YEATS2: variants seen among roughly 807,000 people sequenced by gnomAD.
YEATS2 encodes the protein YEATS domain-containing protein 2.
In YEATS2, 77 loss-of-function variants were observed where a neutral mutation model predicts 163.2. The ratio of observed to expected loss-of-function variants is 0.47; its 90% CI spans 0.39 to 0.57. The LOEUF is 0.57. Among genes scored for constraint, YEATS2 ranks in the 20% least tolerant of loss-of-function variants. The pLI is 0.00. For missense variants in YEATS2, 1,549 were observed against 1,729.8 expected, an observed-to-expected ratio of 0.90 and a Z score of 1.85; for synonymous variants, 631 against 645.1, an observed-to-expected ratio of 0.98 and a Z score of 0.33.
At chr3:183,747,137 C>T (rs963360072) in intron 8 of YEATS2, among the ~76,000 whole-genome samples, 1 of 152,230 alleles carries the variant, frequency 6.6e-6, no homozygotes, top group African/African-American at 2.4e-5. Flanking sequence ...ATTAGCATAG[C>T]CTCTACTGCC....
chr3:183,806,220 T>C (rs1726181644), intron 27 of YEATS2: 2 of 445,086 alleles, frequency 4.5e-6, no homozygotes, highest in Admixed American at 2.5e-5. Flanking sequence ...TTTCAGGATA[T>C]AGCCCCAGCC....
intron 4 of YEATS2, among the ~76,000 whole-genome samples, chr3:183,721,039 G>C (rs1429876631): frequency 2.0e-5 from 3 of 152,138 alleles, no homozygotes; most frequent in Non-Finnish European, 2.9e-5. Flanking sequence ...TCTTTGAATT[G>C]TTAGCAGTTC....
intron 3 of YEATS2, 87 bp from the exon 4 acceptor site, chr3:183,718,413 C>A: frequency 6.8e-6 from 6 of 883,010 alleles, no homozygotes; most frequent in Admixed American, 3.4e-5. Context: ...TTTTTTCACT[C>A]ATTCACGTTT....
chr3:183,730,779 T>A (rs886840831), intron 7 of YEATS2, among the ~76,000 whole-genome samples: 13 of 152,214 alleles, frequency 8.5e-5, no homozygotes, highest in African/African-American at 2.9e-4. Flanking sequence ...AACATCCATA[T>A]AGACAGTTCA....
At chr3:183,744,396 C>T (rs993730729) in intron 8 of YEATS2, among the ~76,000 whole-genome samples, 4 of 152,138 alleles carry the variant, frequency 2.6e-5, no homozygotes, top group African/African-American at 2.4e-5. Flanking sequence ...GGATTACAGG[C>T]GTGAGCCACT....
rs758465122 is a variant in YEATS2, at chr3:183,752,187, C to G, written c.1084C>G (p.Pro362Ala). ...ATCTTTGCCTTTGACCATTCCAGCCCCAGTGAAAGCTTCTTCACCAATAAA... is the reference window on the plus strand; with the variant it reads ...ATCTTTGCCTTTGACCATTCCAGCCGCAGTGAAAGCTTCTTCACCAATAAA... ...PPSLPLTIPA[P>A]VKASSPIKQS... is the part of the protein sequence containing the mutation. The change falls in exon 10 of 31, where the codon CCA (proline) becomes GCA (alanine). Residue 362 changes from proline (P) to alanine (A), a missense_variant. Transcript: ENST00000305135. The G allele has an allele frequency of 6.2e-7, 1 of 1,614,086 alleles. No homozygotes were observed. The highest frequency in any genetic ancestry group is 2.2e-5 in the East Asian group (1 of 44,876).
At chr3:183,746,737 A>G (rs547270564) in intron 8 of YEATS2, among the ~76,000 whole-genome samples, 1 of 149,516 alleles carries the variant, frequency 6.7e-6, no homozygotes, top group Admixed American at 6.7e-5. Flanking sequence ...TGGAACCACT[A>G]TTAATCCACC....
Position 183,758,896 on chromosome 3 carries a change from G to C in YEATS2, c.1587G>C (p.Gln529His), listed in dbSNP as rs1721046312. The C allele has an allele frequency of 6.3e-7, 1 of 1,597,620 alleles. No individual in the cohort carries two copies. The highest frequency in any genetic ancestry group is 8.5e-7 in the Non-Finnish European group (1 of 1,175,196). The change falls in exon 13 of 31, where the codon CAG (glutamine) becomes CAC (histidine). Residue 529 changes from glutamine (Q) to histidine (H), a missense_variant. By Grantham distance (24) the Gln-to-His change is conservative. Coordinates refer to ENST00000305135, the MANE Select transcript of YEATS2 (RefSeq NM_018023.5). ...CAAACAAGATCTCCACGGCTTCTCA[G>C]GTCTCCCAAGGAACAGGTTCCCCTG... ...SPTNKISTAS[Q>H]VSQGTGSPVP...
chr3:183,802,503 G>GTATACA (rs1560334972), intron 25 of YEATS2: 17 of 141,004 alleles, frequency 1.2e-4, no homozygotes, highest in African/African-American at 5.0e-4. Flanking sequence ...GTGTGTGTGT[G>GTATACA]TGTGTGTATA....
intron 1 of YEATS2, among the ~76,000 whole-genome samples, chr3:183,700,770 CAAA>C (rs774835127): frequency 5.3e-5 from 2 of 37,752 alleles, no homozygotes; most frequent in African/African-American, 2.5e-4. Context: ...GACTTCGTCT[CAAA>C]AAAAAAAAAA....
intron 1 of YEATS2, among the ~76,000 whole-genome samples, chr3:183,704,235 T>C (rs1714395681): frequency 6.6e-6 from 1 of 151,910 alleles, no homozygotes; most frequent in African/African-American, 2.4e-5. Flanking sequence ...CCCACTTTGG[T>C]TTTAGGATTT....
chr3:183,712,835 G>A (rs558724032), intron 1 of YEATS2, among the ~76,000 whole-genome samples: 16 of 150,982 alleles, frequency 1.1e-4, no homozygotes, highest in East Asian at 2.0e-4. Context: ...ATCTTGGCTC[G>A]CTGCAACCTC....
chr3:183,749,747 T>A (rs1319306666), intron 9 of YEATS2, among the ~76,000 whole-genome samples: 1 of 152,102 alleles, frequency 6.6e-6, no homozygotes, highest in Non-Finnish European at 1.5e-5. Context: ...AATCTGTCCT[T>A]AGCCTGTCAG....
At chr3:183,779,214 T>C (rs1422596705) in intron 19 of YEATS2, among the ~76,000 whole-genome samples, 2 of 152,196 alleles carry the variant, frequency 1.3e-5, no homozygotes, top group Non-Finnish European at 2.9e-5. Flanking sequence ...CAGCCCGTTT[T>C]CATTCTTGCT....
intron 17 of YEATS2, among the ~76,000 whole-genome samples, chr3:183,775,101 G>A (rs1037669811): frequency 6.6e-6 from 1 of 152,166 alleles, no homozygotes; most frequent in Non-Finnish European, 1.5e-5. Flanking sequence ...AGACTTCAAG[G>A]CTTTGAAGTG....
At chr3:183,801,619 T>A in intron 25 of YEATS2, 91 bp downstream of exon 25, 3 of 981,794 alleles carry the variant, frequency 3.1e-6, no homozygotes. Context: ...GATTGTAAAT[T>A]AATATTGATA....
At chr3:183,710,145 C>T (rs1272808300) in intron 1 of YEATS2, among the ~76,000 whole-genome samples, 1 of 152,112 alleles carries the variant, frequency 6.6e-6, no homozygotes, top group Non-Finnish European at 1.5e-5. Flanking sequence ...GTTCCTAGTA[C>T]CATCTCAGTA....
At chr3:183,773,539 TCTAAAATAAGAATTTATTG>T in intron 16 of YEATS2, 75 bp from the exon 17 acceptor site, 1 of 1,263,158 alleles carries the variant, frequency 7.9e-7, no homozygotes, top group Non-Finnish European at 1.1e-6. Context: ...TTGTTAGTGT[TCTAAAATAAGAATTTATTG>T]CCTTGTATTT....
At chr3:183,808,972 TAAGGAC>T in intron 29 of YEATS2, 119 bp from the exon 30 acceptor site, 1 of 859,144 alleles carries the variant, frequency 1.2e-6, no homozygotes, top group South Asian at 1.6e-5. Context: ...AATTTTTTCT[TAAGGAC>T]TTTTTAATCC....
Sources: gnomAD v4.1 joint callset for allele counts (sites outside exome capture counted in the v4.1 genomes callset) on GRCh38, gnomAD v4.1.1 for gene constraint, MANE v1.5 for transcripts, NCBI Gene and HGNC (gene_info 2026-07-23, HGNC 2026-07-21) for gene names.